SLC9A8: variants seen among roughly 807,000 people sequenced by gnomAD.
SLC9A8 encodes sodium/hydrogen exchanger 8.
Under a neutral mutation model 66.6 loss-of-function variants are expected in SLC9A8, and 48 were observed. The observed-to-expected ratio is 0.72, with a 90% confidence interval of 0.57 to 0.92. The LOEUF is 0.92. SLC9A8 is among the 40% of genes least tolerant of loss of function. The probability of loss-of-function intolerance (pLI) is 0.00; values close to 1 mark genes in which losing one functional copy is unlikely to be tolerated. For missense variants in SLC9A8, 599 were observed against 747.3 expected, an observed-to-expected ratio of 0.80 and a Z score of 2.31; for synonymous variants, 274 against 282.6, an observed-to-expected ratio of 0.97 and a Z score of 0.31.
chr20:49,829,780 G>C, intron 3 of SLC9A8: 1 of 547,122 alleles, frequency 1.8e-6, no homozygotes, highest in Non-Finnish European at 3.7e-6. Flanking sequence ...TTCCAGTGAG[G>C]AGAGAAGCAG....
In SLC9A8 at chr20:49,820,696, C is replaced by T. The variant is rs554036287; in HGVS notation, c.209-2365C>T. 7.3e-4 allele frequency among the ~76,000 whole-genome samples: 111 copies of T among 151,896 alleles called. 3 individuals are homozygous for T. In the South Asian group the frequency reaches 0.022, roughly 31 times the overall value. ...CATATAGCTGGGATTCAGGTGCGCA[C>T]CACCACACCCTGCTAATTTTTGTAT... On this transcript the variant is annotated intron_variant, in intron 2 of 15. Coordinates refer to ENST00000361573, the MANE Select transcript of SLC9A8 (RefSeq NM_015266.3).
At chr20:49,818,692 T>C (rs749648761) in intron 2 of SLC9A8, among the ~76,000 whole-genome samples, 2 of 152,084 alleles carry the variant, frequency 1.3e-5, no homozygotes, top group Non-Finnish European at 2.9e-5. Context: ...GGTTTCGCCA[T>C]GTTGGCCAGG....
At chr20:49,877,886 G>T in intron 11 of SLC9A8, 95 bp from the exon 12 acceptor site, 1 of 804,762 alleles carries the variant, frequency 1.2e-6, no homozygotes. Flanking sequence ...TGTTGTATTG[G>T]ATTCTGACTG....
chr20:49,822,094 A>G (rs1045494103), intron 2 of SLC9A8, among the ~76,000 whole-genome samples: 10 of 152,202 alleles, frequency 6.6e-5, no homozygotes, highest in Admixed American at 5.2e-4. Flanking sequence ...GGAGGATTAA[A>G]TGAGAGAGTA....
At position 49,888,008 on chromosome 20, in the gene SLC9A8, C is replaced by T. The variant is rs920907494; in HGVS notation, c.*72C>T. On this transcript the variant is annotated 3_prime_UTR_variant, in exon 16 of 16. Transcript: ENST00000361573. ...GCTGCGCACAGACACTCAGCAGGGG[C>T]CTCGCAGAGATGCGTGCATCCAGCA... is the stretch of plus-strand genomic sequence containing the variant. 4.9e-6 allele frequency: 6 copies of T among 1,216,326 alleles called. No individual in the cohort carries two copies. The highest frequency in any genetic ancestry group is 2.5e-5 in the South Asian group (2 of 81,554). The allele number at this position is 1,216,326 out of a possible 1,614,324, so 75.3% of individuals were successfully genotyped here.
chr20:49,815,228 C>T (rs73910322), intron 2 of SLC9A8, 39 bp downstream of exon 2: 72,992 of 1,455,894 alleles, frequency 0.05, 2,505 homozygotes, highest in African/African-American at 0.16. Context: ...TCTGCCATCC[C>T]GTGTCTGTGT....
At chr20:49,824,111 C>T (rs923126280) in intron 3 of SLC9A8, among the ~76,000 whole-genome samples, 1 of 152,206 alleles carries the variant, frequency 6.6e-6, no homozygotes, top group African/African-American at 2.4e-5. Context: ...CCCTGGACTT[C>T]AGTACTAAGT....
intron 10 of SLC9A8, among the ~76,000 whole-genome samples, chr20:49,866,210 C>A (rs534453510): frequency 2.0e-5 from 3 of 152,278 alleles, no homozygotes; most frequent in South Asian, 2.1e-4. Context: ...TTTGTGTCTC[C>A]TCTCTTTCAG....
intron 8 of SLC9A8, among the ~76,000 whole-genome samples, chr20:49,862,098 G>A (rs868016945): frequency 1.5e-5 from 2 of 130,540 alleles, no homozygotes; most frequent in Non-Finnish European, 3.1e-5. Flanking sequence ...CCACCGCTGC[G>A]TTTTAGCTGC....
At position 49,834,139 on chromosome 20, in the gene SLC9A8, GTCTCTCTCTCTCTCTCTCTC is replaced by G. The variant is rs71335517; in HGVS notation, c.290-5374_290-5355del. ...TGGTGCACGCTTGTAATATTAGCTT[GTCTCTCTCTCTCTCTCTCTC>G]TCTCTCTCTCTCTCTCTCTCTCTCT... On this transcript the variant is annotated intron_variant, in intron 3 of 15. Coordinates refer to ENST00000361573, the MANE Select transcript of SLC9A8 (RefSeq NM_015266.3). Among the ~76,000 whole-genome samples the G allele has an allele frequency of 7.2e-4, 47 of 65,400 alleles. No individual in the cohort carries two copies. In the South Asian group the frequency reaches 8.5e-3, roughly 12 times the overall value. The allele number at this position is 65,400 out of a possible 152,430, so 42.9% of individuals were successfully genotyped here.
At chr20:49,815,219 C>T (rs1256949196) in intron 2 of SLC9A8, 30 bp downstream of exon 2, 6 of 1,481,504 alleles carry the variant, frequency 4.0e-6, no homozygotes, top group Non-Finnish European at 4.5e-6. Context: ...TCCCCATCAT[C>T]TGCCATCCCG....
Position 49,812,899 on chromosome 20 carries a change from C to A in SLC9A8, c.-24C>A. On this transcript the variant is annotated 5_prime_UTR_variant, in exon 1 of 16. Transcript: ENST00000361573. ...CCTGCTAGCCCCGCGGCTCCGAACT[C>A]GGTGGTCCTGGAAGCTCCGCAGGAT... 6.7e-7 allele frequency: 1 copy of A among 1,496,530 alleles called. No individual in the cohort carries two copies. Among genetic ancestry groups the A allele is most frequent in the African/African-American group, 1.5e-5 (1 of 68,876 alleles). 92.7% of individuals were successfully genotyped at this position (1,496,530 alleles called of 1,614,324 possible). A position where few individuals can be genotyped will look rare whatever the true frequency, so the allele number is the denominator to read the frequency against.
At position 49,889,736 on chromosome 20, in the gene SLC9A8, G is replaced by A. The variant is rs2089999514; in HGVS notation, c.*1800G>A. The A allele has an allele frequency of 6.6e-6, 1 of 152,192 alleles. No individual in the cohort carries two copies. Among genetic ancestry groups the A allele is most frequent in the Non-Finnish European group, 1.5e-5 (1 of 68,022 alleles). The allele number at this position is 152,192 out of a possible 1,614,324, so 9.4% of individuals were successfully genotyped here. On this transcript the variant is annotated 3_prime_UTR_variant, in exon 16 of 16. Transcript: ENST00000361573. ...TTAGTGGAGAAGAGAGGAAGTCAGA[G>A]GGTAGGGACCTTTGCCTGCCCCTGG...
intron 8 of SLC9A8, among the ~76,000 whole-genome samples, chr20:49,861,215 G>C (rs536385651): frequency 7.8e-4 from 119 of 152,232 alleles, no homozygotes; most frequent in African/African-American, 2.8e-3. Context: ...TGATAACGTC[G>C]GGAAACTGTG....
At position 49,865,764 on chromosome 20, in the gene SLC9A8, T is replaced by C. The variant is rs992094948; in HGVS notation, c.958+920T>C. Among the ~76,000 whole-genome samples the C allele has an allele frequency of 5.9e-5, 9 of 152,298 alleles. No individual in the cohort carries two copies. In the East Asian group the frequency reaches 7.7e-4, roughly 13 times the overall value. On this transcript the variant is annotated intron_variant, in intron 10 of 15. Coordinates refer to ENST00000361573, the MANE Select transcript of SLC9A8 (RefSeq NM_015266.3). ...CACAGCTTGTTACGTTGTAAGGATGTTGACCTGAAAATGGAGCGTGACTCA... is the reference window on the plus strand; with the variant it reads ...CACAGCTTGTTACGTTGTAAGGATGCTGACCTGAAAATGGAGCGTGACTCA...
chr20:49,824,905 A>T (rs771166296), intron 3 of SLC9A8, among the ~76,000 whole-genome samples: 1 of 152,142 alleles, frequency 6.6e-6, no homozygotes, highest in Non-Finnish European at 1.5e-5. Context: ...GGCCAGTGAC[A>T]CCAAGGGGAA....
At chr20:49,826,279 G>A (rs1325313935) in intron 3 of SLC9A8, among the ~76,000 whole-genome samples, 2 of 152,158 alleles carry the variant, frequency 1.3e-5, no homozygotes, top group Admixed American at 6.5e-5. Context: ...TAAAGAAATG[G>A]AAGGAAAACG....
chr20:49,875,304 A>G (rs1439146930), intron 11 of SLC9A8, among the ~76,000 whole-genome samples: 1 of 151,980 alleles, frequency 6.6e-6, no homozygotes, highest in East Asian at 1.9e-4. Flanking sequence ...AAGAAAGAAA[A>G]ACAAAGCTTT....
chr20:49,857,717 T>A (rs1600738743), intron 8 of SLC9A8, among the ~76,000 whole-genome samples: 1 of 152,128 alleles, frequency 6.6e-6, no homozygotes, highest in East Asian at 1.9e-4. Context: ...GACTCTGTTT[T>A]AAAAAAAACA....
Sources: gnomAD v4.1 joint callset for allele counts (sites outside exome capture counted in the v4.1 genomes callset) on GRCh38, gnomAD v4.1.1 for gene constraint, MANE v1.5 for transcripts, NCBI Gene and HGNC (gene_info 2026-07-23, HGNC 2026-07-21) for gene names.